Variants in RUNX2 observed in about 807,000 individuals in gnomAD.
The protein encoded by RUNX2 is runt-related transcription factor 2.
A neutral mutation model predicts 51.7 loss-of-function variants in RUNX2; 10 were observed. The ratio of observed to expected loss-of-function variants is 0.19; its 90% CI spans 0.12 to 0.33. RUNX2 has a LOEUF of 0.33. RUNX2 is among the 10% of genes least tolerant of loss of function. The pLI is 1.00. For missense variants in RUNX2, 562 were observed against 691.3 expected (o/e 0.81, Z 2.10); for synonymous variants, 276 against 273.6 (o/e 1.01, Z -0.09).
chr6:45,481,719 T>A (rs1433150278), intron 5 of RUNX2, among the ~76,000 whole-genome samples: 1 of 152,208 alleles, frequency 6.6e-6, no homozygotes, highest in African/African-American at 2.4e-5. Flanking sequence ...TCTGGTCTCT[T>A]TGCTCCACGT....
intron 2 of RUNX2, among the ~76,000 whole-genome samples, chr6:45,359,366 CACTT>C (rs1280453614): frequency 2.0e-5 from 3 of 152,198 alleles, no homozygotes; most frequent in African/African-American, 4.8e-5. Context: ...TACATATTCT[CACTT>C]ACATTACAAT....
intron 5 of RUNX2, among the ~76,000 whole-genome samples, chr6:45,441,590 G>T (rs1274932793): frequency 6.6e-6 from 1 of 152,160 alleles, no homozygotes; most frequent in African/African-American, 2.4e-5. Flanking sequence ...TCAGACGTTG[G>T]CTGTAGAGTT....
At chr6:45,432,119 T>G in intron 4 of RUNX2, 100 bp downstream of exon 4, 1 of 1,118,952 alleles carries the variant, frequency 8.9e-7, no homozygotes, top group Non-Finnish European at 1.3e-6. Context: ...CTTCTTTTTC[T>G]GAATAGAATT....
chr6:45,404,122 C>T (rs781001114), intron 2 of RUNX2, among the ~76,000 whole-genome samples: 8 of 151,198 alleles, frequency 5.3e-5, no homozygotes, highest in African/African-American at 1.2e-4. Flanking sequence ...TAGCCGGGTG[C>T]GGTGGCGTGT....
intron 6 of RUNX2, among the ~76,000 whole-genome samples, chr6:45,494,750 C>T (rs62400362): frequency 0.18 from 27,562 of 152,034 alleles, 2,743 homozygotes; most frequent in African/African-American, 0.23. Flanking sequence ...AGCAGCAATG[C>T]GAAAATGAAT....
chr6:45,550,392 C>A lies in RUNX2; in HGVS notation c.*3087C>A, dbSNP rs1802530449. 6.6e-6 allele frequency: 1 copy of A among 152,164 alleles called. No homozygotes were observed. 9.4% of individuals were successfully genotyped at this position (152,164 alleles called of 1,614,324 possible). ...TTCAAAATGAGCAGAGAAGTCCACA[C>A]CATTAGGGACCATCTGTGATAAATT... On this transcript the variant is annotated 3_prime_UTR_variant, in exon 9 of 9. Transcript: ENST00000647337.
chr6:45,506,969 C>CT (rs747344094), intron 6 of RUNX2, among the ~76,000 whole-genome samples: 7,839 of 143,210 alleles, frequency 0.055, 328 homozygotes, highest in African/African-American at 0.12. Context: ...GTTTTCTTTC[C>CT]TTTTTTTTTT....
chr6:45,531,668 G>A (rs1176029840), intron 7 of RUNX2, among the ~76,000 whole-genome samples: 7 of 151,928 alleles, frequency 4.6e-5, no homozygotes, highest in South Asian at 2.1e-4. Context: ...CCGGAGAATC[G>A]CTTGAACCCA....
chr6:45,482,651 G>A (rs191219470), intron 5 of RUNX2, among the ~76,000 whole-genome samples: 28 of 152,222 alleles, frequency 1.8e-4, no homozygotes, highest in African/African-American at 6.7e-4. Context: ...GTCTAAATGG[G>A]TGCCTTTTAG....
chr6:45,492,167 A>G, intron 6 of RUNX2, 53 bp downstream of exon 6: 1 of 1,570,662 alleles, frequency 6.4e-7, no homozygotes, highest in East Asian at 2.2e-5. Context: ...GCTGGGGGTG[A>G]GGGGCTACCA....
chr6:45,464,477 G>A lies in RUNX2; in HGVS notation c.685+26426G>A, dbSNP rs2790102. On this transcript the variant is annotated intron_variant, in intron 5 of 8. Transcript: ENST00000647337. ...GAGAATAATGTAAAGTGAAATACAA[G>A]TCCTTTACTTCTTTTTGATAAGTGT... Among the ~76,000 whole-genome samples the A allele has an allele frequency of 0.39, 58,573 of 151,956 alleles. 11,893 individuals are homozygous for A. Among genetic ancestry groups the A allele is most frequent in the African/African-American group, 0.51 (21,275 of 41,426 alleles).
intron 2 of RUNX2, among the ~76,000 whole-genome samples, chr6:45,374,940 C>T (rs1468689889): frequency 6.6e-6 from 1 of 152,208 alleles, no homozygotes. Flanking sequence ...GGCACGGTGG[C>T]TCACACCTGT....
At chr6:45,428,159 A>G (rs1798435607) in intron 3 of RUNX2, among the ~76,000 whole-genome samples, 1 of 152,206 alleles carries the variant, frequency 6.6e-6, no homozygotes. Context: ...ATTCCTAACT[A>G]GTTAAAGAGC....
At chr6:45,504,329 C>T (rs1211267185) in intron 6 of RUNX2, among the ~76,000 whole-genome samples, 1 of 152,180 alleles carries the variant, frequency 6.6e-6, no homozygotes, top group African/African-American at 2.4e-5. Flanking sequence ...GAGTGGTTAG[C>T]ATCATAGCAT....
rs965602258 is a variant in RUNX2, at chr6:45,512,489, G to A, written c.1021+82G>A. The A allele has an allele frequency of 6.9e-6, 10 of 1,458,238 alleles. No individual in the cohort carries two copies. In the Admixed American group the frequency reaches 1.7e-4, roughly 25 times the overall value. The allele number at this position is 1,458,238 out of a possible 1,614,324, so 90.3% of individuals were successfully genotyped here. On this transcript the variant is annotated intron_variant, in intron 7 of 8. Coordinates refer to ENST00000647337, the MANE Select transcript of RUNX2 (RefSeq NM_001024630.4). ...GATGGGCTGAGCCTGTCTCATCCAT[G>A]CTCACAGTGACTCTCTATTAGAGGC...
chr6:45,347,854 A>T (rs955853916), intron 2 of RUNX2, among the ~76,000 whole-genome samples: 3 of 152,082 alleles, frequency 2.0e-5, no homozygotes, highest in Non-Finnish European at 4.4e-5. Context: ...TACTATTTTT[A>T]AAAAATACTA....
intron 6 of RUNX2, among the ~76,000 whole-genome samples, chr6:45,505,014 T>A (rs1460289837): frequency 6.6e-6 from 1 of 152,204 alleles, no homozygotes; most frequent in Non-Finnish European, 1.5e-5. Context: ...GGTGTCCTGT[T>A]ACACAGAAGC....
intron 6 of RUNX2, among the ~76,000 whole-genome samples, chr6:45,504,659 T>C (rs998879686): frequency 1.6e-4 from 25 of 152,188 alleles, no homozygotes; most frequent in Non-Finnish European, 2.9e-5. Flanking sequence ...TATGTATGAA[T>C]GTGTATATGT....
intron 5 of RUNX2, among the ~76,000 whole-genome samples, chr6:45,440,982 C>T (rs1474117998): frequency 6.6e-6 from 1 of 152,144 alleles, no homozygotes; most frequent in Non-Finnish European, 1.5e-5. Flanking sequence ...TGTAGTTTGT[C>T]AACCCTTGCT....
Sources: gnomAD v4.1 joint callset for allele counts (sites outside exome capture counted in the v4.1 genomes callset) on GRCh38, gnomAD v4.1.1 for gene constraint, MANE v1.5 for transcripts, NCBI Gene and HGNC (gene_info 2026-07-23, HGNC 2026-07-21) for gene names.